Variants in PRKN observed in about 807,000 individuals in gnomAD.
The protein encoded by PRKN is E3 ubiquitin-protein ligase parkin.
A neutral mutation model predicts 59.5 loss-of-function variants in PRKN; 56 were observed. That is an observed-to-expected ratio of 0.94 (90% CI 0.76 to 1.18). The LOEUF is 1.18. Ranked by LOEUF, PRKN falls within the 50% of genes most tolerant of loss-of-function variation. The pLI is 0.00. For synonymous variants in PRKN, 250 were observed against 222.1 expected (o/e 1.13, Z -1.12); for missense variants, 657 against 596.4 (o/e 1.10, Z -1.06).
rs899238082 is a variant in PRKN, at chr6:161,533,403, G to C, written c.1083+15451C>G. On this transcript the variant is annotated intron_variant, in intron 9 of 11. Transcript: ENST00000366898. This position sits in a 1 kb window ranked among gnomAD's most constrained non-coding sequence, Gnocchi z 4.1. Reference sequence around the variant, plus strand: ...CCTGCAGACACAAACAAGCATGCTGGAAGCTTGCACAGGTACATGCTGGCA... The same window carrying C: ...CCTGCAGACACAAACAAGCATGCTGCAAGCTTGCACAGGTACATGCTGGCA... Among the ~76,000 whole-genome samples, 1 of 152,058 alleles carries C rather than the reference G, an allele frequency of 6.6e-6. No homozygotes were observed. The highest frequency in any genetic ancestry group is 6.6e-5 in the Admixed American group (1 of 15,260).
chr6:162,506,251 C>CAAAAAAAAAAAAAAAAAAAAAAAGAAAAA (rs10528135), intron 1 of PRKN, among the ~76,000 whole-genome samples: 2 of 95,350 alleles, frequency 2.1e-5, no homozygotes, highest in Non-Finnish European at 4.1e-5. Flanking sequence ...AAAGAGGAAG[C>CAAAAAAAAAAAAAAAAAAAAAAAGAAAAA]AAAAAAAAAA....
intron 7 of PRKN, among the ~76,000 whole-genome samples, chr6:161,661,019 G>C (rs925100344): frequency 6.6e-6 from 1 of 152,098 alleles, no homozygotes; most frequent in Non-Finnish European, 1.5e-5. Context: ...CGTATGTGCA[G>C]AGACTGGTGG....
chr6:162,325,988 A>G (rs1783254593), intron 2 of PRKN, among the ~76,000 whole-genome samples: 1 of 152,172 alleles, frequency 6.6e-6, no homozygotes, highest in South Asian at 2.1e-4. Flanking sequence ...ATCAGAGCTC[A>G]GTAAAACATA....
chr6:161,726,645 C>T (rs763107022), intron 7 of PRKN, among the ~76,000 whole-genome samples: 6 of 151,818 alleles, frequency 4.0e-5, no homozygotes, highest in Non-Finnish European at 8.8e-5. Flanking sequence ...GTGACATTTA[C>T]AAAATGAAAA....
chr6:161,807,949 T>A (rs1427354227), intron 6 of PRKN, among the ~76,000 whole-genome samples: 2 of 152,164 alleles, frequency 1.3e-5, no homozygotes, highest in African/African-American at 4.8e-5. Context: ...AAACAAATAA[T>A]GTTGGCTTAG....
intron 1 of PRKN, among the ~76,000 whole-genome samples, chr6:162,529,960 G>T (rs143449568): frequency 6.6e-6 from 1 of 151,848 alleles, no homozygotes; most frequent in African/African-American, 2.4e-5. Flanking sequence ...AGAAACCCCC[G>T]TCTCTACTAC....
chr6:161,640,465 G>T (rs2128158211), intron 7 of PRKN, among the ~76,000 whole-genome samples: 1 of 152,282 alleles, frequency 6.6e-6, no homozygotes, highest in Non-Finnish European at 1.5e-5. Flanking sequence ...ACAGACAGAT[G>T]TGATTATTAG....
intron 1 of PRKN, among the ~76,000 whole-genome samples, chr6:162,668,665 C>A (rs1185193623): frequency 1.3e-5 from 2 of 152,178 alleles, no homozygotes; most frequent in Admixed American, 6.5e-5. Flanking sequence ...TCCTAAAGAA[C>A]TCAAGCGTTG....
intron 2 of PRKN, among the ~76,000 whole-genome samples, chr6:162,277,120 G>A (rs942872238): frequency 1.3e-5 from 2 of 152,094 alleles, no homozygotes; most frequent in African/African-American, 2.4e-5. Context: ...TGAAGGCACT[G>A]ATATAATAAT....
At chr6:162,339,696 A>AG (rs1183127322) in intron 2 of PRKN, among the ~76,000 whole-genome samples, 4 of 152,178 alleles carry the variant, frequency 2.6e-5, no homozygotes, top group African/African-American at 9.6e-5. Context: ...TGGAATAGAA[A>AG]GGGGGGAAGG....
chr6:161,686,456 T>C (rs937418679), intron 7 of PRKN, among the ~76,000 whole-genome samples: 2 of 152,248 alleles, frequency 1.3e-5, no homozygotes, highest in African/African-American at 4.8e-5. Context: ...AATGCTCTTA[T>C]AAATCTTCAC....
At chr6:161,412,552 T>TCCTCAATCATTCCTC in intron 9 of PRKN, among the ~76,000 whole-genome samples, 1 of 149,208 alleles carries the variant, frequency 6.7e-6, no homozygotes, top group East Asian at 2.0e-4. Flanking sequence ...ACTCATTCCT[T>TCCTCAATCATTCCTC]CCTCACTCAT....
chr6:162,110,703 C>T (rs545475678), intron 4 of PRKN, among the ~76,000 whole-genome samples: 68 of 152,180 alleles, frequency 4.5e-4, no homozygotes, highest in Non-Finnish European at 8.1e-4. Context: ...GAAACAGGGG[C>T]GATGTCCTTT....
At chr6:162,280,564 G>T (rs1408653426) in intron 2 of PRKN, among the ~76,000 whole-genome samples, 1 of 152,078 alleles carries the variant, frequency 6.6e-6, no homozygotes, top group African/African-American at 2.4e-5. Context: ...GTTGAGGTGG[G>T]TGGATCACTT....
At chr6:162,140,993 T>A (rs1448278144) in intron 4 of PRKN, among the ~76,000 whole-genome samples, 1 of 151,860 alleles carries the variant, frequency 6.6e-6, no homozygotes, top group Non-Finnish European at 1.5e-5. Context: ...AGCCAGGCGT[T>A]GTGGCGGGCG....
At chr6:161,680,764 TATATA>T (rs1288161444) in intron 7 of PRKN, among the ~76,000 whole-genome samples, 345 of 18,500 alleles carry the variant, frequency 0.019, 28 homozygotes, top group Admixed American at 0.033. Context: ...TATATATATA[TATATA>T]TATATATTTT....
intron 4 of PRKN, among the ~76,000 whole-genome samples, chr6:162,186,856 C>CATAG (rs1025711071): frequency 3.1e-4 from 47 of 152,278 alleles, no homozygotes; most frequent in African/African-American, 1.1e-3. Flanking sequence ...AAGCATAAGC[C>CATAG]ACTATGCTTC....
At chr6:162,076,606 C>G (rs1383344568) in intron 4 of PRKN, among the ~76,000 whole-genome samples, 1 of 152,086 alleles carries the variant, frequency 6.6e-6, no homozygotes, top group Non-Finnish European at 1.5e-5. Context: ...TAGGTGAAAA[C>G]TAACTAAATT....
chr6:161,604,581 T>G (rs1271856580), intron 7 of PRKN, among the ~76,000 whole-genome samples: 1 of 152,222 alleles, frequency 6.6e-6, no homozygotes, highest in African/African-American at 2.4e-5. Context: ...AGGCCACGGA[T>G]TTGATCCTAC....
Sources: gnomAD v4.1 joint callset for allele counts (sites outside exome capture counted in the v4.1 genomes callset) on GRCh38, gnomAD v4.1.1 for gene constraint, Gnocchi (gnomAD v3.1) non-coding constraint, MANE v1.5 for transcripts, NCBI Gene and HGNC (gene_info 2026-07-23, HGNC 2026-07-21) for gene names.